ARPP21: variants seen among roughly 807,000 people sequenced by gnomAD.
ARPP21 encodes cAMP regulated phosphoprotein 21, also known as cAMP-regulated phosphoprotein 21.
In ARPP21, 69 loss-of-function variants were observed where a neutral mutation model predicts 113.2. That is an observed-to-expected ratio of 0.61 (90% confidence interval 0.50 to 0.74). The LOEUF is 0.74. Ranked by LOEUF, ARPP21 falls within the 30% of genes least tolerant of loss-of-function variation. ARPP21 has a pLI of 0.00. For missense variants in ARPP21, 1,070 were observed against 1,037.4 expected (o/e 1.03, Z -0.43); for synonymous variants, 368 against 375.5 (o/e 0.98, Z 0.23).
At chr3:35,759,323 C>A (rs1424606361) in intron 19 of ARPP21, among the ~76,000 whole-genome samples, 2 of 152,052 alleles carry the variant, frequency 1.3e-5, no homozygotes, top group Non-Finnish European at 2.9e-5. Flanking sequence ...AAAGCACAAC[C>A]TTTTCCCAAT....
intron 19 of ARPP21, among the ~76,000 whole-genome samples, chr3:35,776,440 TG>T (rs2096370072): frequency 1.3e-5 from 2 of 151,942 alleles, no homozygotes; most frequent in African/African-American, 4.8e-5. Context: ...AGAGGAAGGG[TG>T]GGCAACATTT....
At chr3:35,700,990 C>T (rs981071937) in intron 9 of ARPP21, among the ~76,000 whole-genome samples, 5 of 151,612 alleles carry the variant, frequency 3.3e-5, no homozygotes, top group African/African-American at 4.8e-5. Context: ...CAAGCCTGCA[C>T]GTTGTGCACA....
chr3:35,766,542 C>T (rs1018447804), intron 19 of ARPP21, among the ~76,000 whole-genome samples: 16 of 152,144 alleles, frequency 1.1e-4, no homozygotes, highest in African/African-American at 3.9e-4. Flanking sequence ...AGGCATTTGA[C>T]GTGCCAATTG....
chr3:35,701,923 A>G (rs749859339), intron 9 of ARPP21, among the ~76,000 whole-genome samples: 3 of 151,742 alleles, frequency 2.0e-5, no homozygotes, highest in Non-Finnish European at 4.4e-5. Flanking sequence ...AATACATGCT[A>G]TGAAAGAGCA....
chr3:35,753,462 G>A (rs1336119624), intron 19 of ARPP21, among the ~76,000 whole-genome samples: 1 of 151,918 alleles, frequency 6.6e-6, no homozygotes, highest in Non-Finnish European at 1.5e-5. Context: ...TTCCATGAAA[G>A]CTCATTTCAG....
intron 19 of ARPP21, among the ~76,000 whole-genome samples, chr3:35,753,852 T>C (rs148172090): frequency 3.4e-4 from 51 of 152,070 alleles, no homozygotes; most frequent in African/African-American, 1.2e-3. Flanking sequence ...GGGCAAAATG[T>C]ACCTTAATGG....
intron 1 of ARPP21, among the ~76,000 whole-genome samples, chr3:35,650,717 G>GA (rs1179014991): frequency 2.0e-5 from 3 of 151,918 alleles, no homozygotes; most frequent in African/African-American, 7.2e-5. Flanking sequence ...TCTCCAACAA[G>GA]AAAAAACACC....
Position 35,737,249 on chromosome 3 carries a change from A to G in ARPP21, c.1531A>G (p.Ser511Gly). The G allele has an allele frequency of 6.2e-7, 1 of 1,612,972 alleles. No homozygotes were observed. The highest frequency in any genetic ancestry group is 1.1e-5 in the South Asian group (1 of 90,812). The change falls in exon 16 of 21, where the codon AGC becomes GGC. Residue 511 changes from serine to glycine, a missense_variant. Coordinates refer to ENST00000684406, the MANE Select transcript of ARPP21 (RefSeq NM_001385562.1). ...ACCCACCAGTCAGCAGCCCCTGCGA[A>G]GCGCCATGGTGGGGCAGTCCCAACA... ...NPPTSQQPLRSAMVGQSQQQP... is the reference protein window; with the variant it reads ...NPPTSQQPLRGAMVGQSQQQP...
At chr3:35,684,372 A>C in intron 5 of ARPP21, 5 of 996,754 alleles carry the variant, frequency 5.0e-6, no homozygotes, top group Non-Finnish European at 6.0e-6. Context: ...CTTTAAGTTA[A>C]TATTATTAAT....
At chr3:35,768,319 T>C (rs2096064854) in intron 19 of ARPP21, among the ~76,000 whole-genome samples, 1 of 152,018 alleles carries the variant, frequency 6.6e-6, no homozygotes, top group Admixed American at 6.6e-5. Context: ...TTCTCCAGGA[T>C]AGATTCAGCT....
chr3:35,667,870 AGAAGAAGAAGAAGAAGAAGAG>A (rs1372054009), intron 1 of ARPP21, among the ~76,000 whole-genome samples: 2 of 133,656 alleles, frequency 1.5e-5, no homozygotes, highest in African/African-American at 3.3e-5. Flanking sequence ...AAGAAGAAGA[AGAAGAAGAAGAAGAAGAAGAG>A]GAAGAGGAAG....
intron 1 of ARPP21, among the ~76,000 whole-genome samples, chr3:35,645,263 A>C (rs1699771296): frequency 6.6e-6 from 1 of 151,938 alleles, no homozygotes; most frequent in South Asian, 2.1e-4. Context: ...TAAATTAGAA[A>C]TCCATTATGA....
intron 10 of ARPP21, 145 bp downstream of exon 10, chr3:35,707,227 C>A: frequency 1.5e-6 from 1 of 657,630 alleles, no homozygotes. Flanking sequence ...ACCTCCTTCT[C>A]CTCCTTCCCT....
At chr3:35,710,401 C>G (rs1317115781) in intron 11 of ARPP21, among the ~76,000 whole-genome samples, 10 of 152,152 alleles carry the variant, frequency 6.6e-5, no homozygotes, top group Admixed American at 6.6e-5. Context: ...CTTTTCCAGT[C>G]ATAATAAGGA....
chr3:35,761,570 A>G (rs1162420270), intron 19 of ARPP21, among the ~76,000 whole-genome samples: 1 of 152,090 alleles, frequency 6.6e-6, no homozygotes, highest in Non-Finnish European at 1.5e-5. Context: ...TGCTAAAAAA[A>G]CAAACAAACA....
rs1159556187 is a variant in ARPP21, at chr3:35,743,915, A to C, written c.2087A>C (p.Gln696Pro). 1 of 1,614,108 alleles carries C rather than the reference A, an allele frequency of 6.2e-7. No individual in the cohort carries two copies. The highest frequency in any genetic ancestry group is 8.5e-7 in the Non-Finnish European group (1 of 1,179,922). ...TQQYRPMAPV[Q>P]YNAQRSQQMP... is the part of the protein sequence containing the mutation. The stretch of plus-strand genomic sequence containing the variant: ...CAGTACCGGCCCATGGCCCCGGTTC[A>C]GTACAACGCTCAGAGGAGTCAACAG... Residue 696 changes from glutamine to proline, a missense_variant, in exon 19 of 21, where the codon CAG (glutamine) becomes CCG (proline). By Grantham distance (76) the Gln-to-Pro change is moderately conservative. Coordinates refer to ENST00000684406, the MANE Select transcript of ARPP21 (RefSeq NM_001385562.1).
rs1448261998 is a variant in ARPP21, at chr3:35,768,485, T to C, written c.2138-23897T>C. Reference sequence around the variant, plus strand: ...GAGACTATCACTAGTTTATAATTACTCATTTAATAAAATAAAAATAACCGA... The same window carrying C: ...GAGACTATCACTAGTTTATAATTACCCATTTAATAAAATAAAAATAACCGA... On this transcript the variant is annotated intron_variant, in intron 19 of 20. Coordinates refer to ENST00000684406, the MANE Select transcript of ARPP21 (RefSeq NM_001385562.1). Among the ~76,000 whole-genome samples the C allele has an allele frequency of 2.6e-5, 4 of 152,194 alleles. No homozygotes were observed. In the East Asian group the frequency reaches 7.7e-4, roughly 29 times the overall value.
At chr3:35,785,920 C>CT (rs1276387509) in intron 19 of ARPP21, among the ~76,000 whole-genome samples, 4 of 151,984 alleles carry the variant, frequency 2.6e-5, no homozygotes, top group Non-Finnish European at 5.9e-5. Flanking sequence ...GAATTAAAAC[C>CT]AGCGAGTAAT....
At chr3:35,669,306 A>C (rs2075737039) in intron 1 of ARPP21, among the ~76,000 whole-genome samples, 1 of 152,160 alleles carries the variant, frequency 6.6e-6, no homozygotes, top group Non-Finnish European at 1.5e-5. Flanking sequence ...TATATGTTAC[A>C]AATGCAACTA....
Sources: gnomAD v4.1 joint callset for allele counts (sites outside exome capture counted in the v4.1 genomes callset) on GRCh38, gnomAD v4.1.1 for gene constraint, MANE v1.5 for transcripts, NCBI Gene and HGNC (gene_info 2026-07-23, HGNC 2026-07-21) for gene names.